Variants in GHR observed in about 807,000 individuals in gnomAD.
GHR encodes growth hormone receptor, also known as GH receptor.
GHR carries 35 observed loss-of-function variants against 67.1 expected under a neutral mutation model. The ratio of observed to expected loss-of-function variants is 0.52; its 90% CI spans 0.40 to 0.69. The LOEUF is 0.69. Ranked by LOEUF, GHR falls within the 30% of genes least tolerant of loss-of-function variation. The pLI is 0.00. For synonymous variants in GHR, 272 were observed against 269.1 expected, an observed-to-expected ratio of 1.01 and a Z score of -0.10; for missense variants, 792 against 764.6, an observed-to-expected ratio of 1.04 and a Z score of -0.42.
intron 1 of GHR, among the ~76,000 whole-genome samples, chr5:42,435,484 G>A (rs144579497): frequency 3.3e-4 from 51 of 152,308 alleles, no homozygotes; most frequent in African/African-American, 1.1e-3. Context: ...CTTTAGGCAA[G>A]TTAAGGGATA....
intron 6 of GHR, among the ~76,000 whole-genome samples, chr5:42,708,071 T>C (rs1323944582): frequency 1.3e-5 from 2 of 152,138 alleles, no homozygotes; most frequent in African/African-American, 2.4e-5. Flanking sequence ...TCTTGTAAGA[T>C]AGGTCTGTTG....
intron 1 of GHR, among the ~76,000 whole-genome samples, chr5:42,503,028 A>C (rs2112237127): frequency 6.6e-6 from 1 of 152,142 alleles, no homozygotes; most frequent in East Asian, 1.9e-4. Context: ...TTTTGATTAC[A>C]AGGTGTACTC....
intron 1 of GHR, among the ~76,000 whole-genome samples, chr5:42,550,699 G>T (rs1351333348): frequency 2.0e-5 from 3 of 152,126 alleles, no homozygotes; most frequent in Admixed American, 2.0e-4. Context: ...GAATGGGGAT[G>T]CTGAGGAGAC....
At chr5:42,691,428 T>C (rs1429595839) in intron 4 of GHR, among the ~76,000 whole-genome samples, 1 of 152,238 alleles carries the variant, frequency 6.6e-6, no homozygotes, top group Non-Finnish European at 1.5e-5. Context: ...TGGACTGGAC[T>C]GATTAGTGTA....
chr5:42,497,606 A>C (rs948567807), intron 1 of GHR, among the ~76,000 whole-genome samples: 1 of 152,158 alleles, frequency 6.6e-6, no homozygotes, highest in Non-Finnish European at 1.5e-5. Flanking sequence ...CTTTCTCACT[A>C]CAAGGGCATT....
intron 1 of GHR, among the ~76,000 whole-genome samples, chr5:42,494,150 C>T (rs1398899439): frequency 2.6e-5 from 4 of 152,040 alleles, no homozygotes; most frequent in Non-Finnish European, 5.9e-5. Flanking sequence ...ATTTTAGGAG[C>T]TCAAAAGGAG....
intron 1 of GHR, among the ~76,000 whole-genome samples, chr5:42,444,391 A>G (rs2111969947): frequency 6.6e-6 from 1 of 152,328 alleles, no homozygotes; most frequent in South Asian, 2.1e-4. Flanking sequence ...TTTCCATTTG[A>G]TGGCAGCTAT....
intron 1 of GHR, among the ~76,000 whole-genome samples, chr5:42,519,709 T>C (rs1451401774): frequency 6.6e-6 from 1 of 152,202 alleles, no homozygotes; most frequent in Non-Finnish European, 1.5e-5. Flanking sequence ...AAGTTGACCA[T>C]TTCTTTTAGG....
intron 3 of GHR, among the ~76,000 whole-genome samples, chr5:42,679,214 A>G (rs1332335818): frequency 6.9e-6 from 1 of 145,840 alleles, no homozygotes; most frequent in Non-Finnish European, 1.5e-5. Flanking sequence ...ACTATTATTA[A>G]TATTTTAAAT....
At chr5:42,517,789 T>G (rs1302336587) in intron 1 of GHR, among the ~76,000 whole-genome samples, 1 of 152,174 alleles carries the variant, frequency 6.6e-6, no homozygotes, top group Non-Finnish European at 1.5e-5. Context: ...GTGGACTTTT[T>G]TTTTTTTGGC....
intron 3 of GHR, chr5:42,646,450 CTT>C (rs201498664): frequency 3.5e-5 from 12 of 340,528 alleles, no homozygotes; most frequent in East Asian, 8.6e-5. Flanking sequence ...AAAGTAAAAG[CTT>C]TTTTTTTTAT....
At chr5:42,446,776 T>C (rs1356892963) in intron 1 of GHR, among the ~76,000 whole-genome samples, 7 of 152,356 alleles carry the variant, frequency 4.6e-5, no homozygotes, top group African/African-American at 1.7e-4. Context: ...GATGTCAGTA[T>C]AACACAACAC....
chr5:42,613,300 T>A (rs545337728), intron 2 of GHR, among the ~76,000 whole-genome samples: 10 of 152,264 alleles, frequency 6.6e-5, no homozygotes, highest in African/African-American at 2.4e-4. Flanking sequence ...AAGTTATCCT[T>A]GCTGCTGTTG....
At chr5:42,460,105 C>T (rs1176017367) in intron 1 of GHR, among the ~76,000 whole-genome samples, 3 of 152,114 alleles carry the variant, frequency 2.0e-5, no homozygotes, top group Non-Finnish European at 4.4e-5. Context: ...GAACAGACAC[C>T]CGAGTTCTCT....
At chr5:42,642,438 GGAGA>G in intron 3 of GHR, among the ~76,000 whole-genome samples, 1 of 152,090 alleles carries the variant, frequency 6.6e-6, no homozygotes, top group African/African-American at 2.4e-5. Context: ...CAAAAAAGAG[GGAGA>G]GAGAGAGAAA....
chr5:42,515,731 A>G (rs1747207297), intron 1 of GHR, among the ~76,000 whole-genome samples: 1 of 152,226 alleles, frequency 6.6e-6, no homozygotes, highest in Non-Finnish European at 1.5e-5. Context: ...GAGAAAATTT[A>G]GTGGGTGGTC....
chr5:42,454,143 C>A (rs1744162271), intron 1 of GHR, among the ~76,000 whole-genome samples: 1 of 152,194 alleles, frequency 6.6e-6, no homozygotes, highest in South Asian at 2.1e-4. Context: ...GACCGGTGAT[C>A]TGATCAGTCT....
chr5:42,463,331 C>A (rs1029352263), intron 1 of GHR, among the ~76,000 whole-genome samples: 5 of 152,226 alleles, frequency 3.3e-5, no homozygotes, highest in Admixed American at 6.5e-5. Flanking sequence ...TGTTTTTATG[C>A]CTTGTTGGCC....
At chr5:42,474,906 CAG>C (rs1225700501) in intron 1 of GHR, among the ~76,000 whole-genome samples, 1 of 102,236 alleles carries the variant, frequency 9.8e-6, no homozygotes, top group East Asian at 3.3e-4. Context: ...TTTTTTTAAA[CAG>C]AGTCTCGCTC....
Sources: gnomAD v4.1 joint callset for allele counts (sites outside exome capture counted in the v4.1 genomes callset) on GRCh38, gnomAD v4.1.1 for gene constraint, MANE v1.5 for transcripts, NCBI Gene and HGNC (gene_info 2026-07-23, HGNC 2026-07-21) for gene names.